The following GTF2F2 variants were observed in gnomAD, a reference collection of about 807,000 sequenced individuals.
GTF2F2 encodes the protein general transcription factor IIF subunit 2.
In GTF2F2, 23 loss-of-function variants were observed where a neutral mutation model predicts 42.2. The ratio of observed to expected loss-of-function variants is 0.55; its 90% CI spans 0.39 to 0.77. The LOEUF (loss-of-function observed/expected upper bound fraction) is 0.77, where lower values mean the gene tolerates loss of function less well. GTF2F2 is among the 30% of genes least tolerant of loss of function. GTF2F2 has a pLI of 0.00. For missense variants in GTF2F2, 261 were observed against 287.2 expected (o/e 0.91, Z 0.66); for synonymous variants, 105 against 100.8 (o/e 1.04, Z -0.25).
intron 1 of GTF2F2, 135 bp downstream of exon 1, chr13:45,120,856 G>T (rs1868592746): frequency 1.5e-6 from 1 of 658,730 alleles, no homozygotes. Context: ...ATTTTGAGAG[G>T]CAGGAGTCAT....
intron 4 of GTF2F2, among the ~76,000 whole-genome samples, chr13:45,191,083 A>G (rs1031560683): frequency 6.6e-6 from 1 of 151,168 alleles, no homozygotes; most frequent in Non-Finnish European, 1.5e-5. Context: ...AAAATATAGT[A>G]AAAGCCGGCC....
intron 5 of GTF2F2, among the ~76,000 whole-genome samples, chr13:45,229,537 G>A (rs1874561834): frequency 6.6e-6 from 1 of 152,202 alleles, no homozygotes; most frequent in African/African-American, 2.4e-5. Context: ...GGGATAGAAG[G>A]AGGCTCATGA....
intron 1 of GTF2F2, among the ~76,000 whole-genome samples, 194 bp downstream of exon 1, chr13:45,120,915 C>T (rs561921430): frequency 6.6e-6 from 1 of 152,284 alleles, no homozygotes; most frequent in South Asian, 2.1e-4. Context: ...CGCAAAGTGT[C>T]TTTCAGCCAG....
chr13:45,125,299 C>G (rs1868926654), intron 1 of GTF2F2, among the ~76,000 whole-genome samples: 1 of 151,826 alleles, frequency 6.6e-6, no homozygotes. Flanking sequence ...CTTTGCGTCT[C>G]TCTGTTTTTT....
chr13:45,253,711 A>G (rs531994993), intron 6 of GTF2F2, among the ~76,000 whole-genome samples: 134 of 152,260 alleles, frequency 8.8e-4, no homozygotes, highest in African/African-American at 3.0e-3. Context: ...GTATATCCAC[A>G]TTGTATATGC....
At chr13:45,268,440 C>T (rs1876657980) in intron 7 of GTF2F2, among the ~76,000 whole-genome samples, 1 of 152,040 alleles carries the variant, frequency 6.6e-6, no homozygotes, top group Non-Finnish European at 1.5e-5. Flanking sequence ...TACTATTATA[C>T]ATCAACCCTT....
intron 6 of GTF2F2, among the ~76,000 whole-genome samples, chr13:45,262,377 A>T (rs984370562): frequency 3.9e-5 from 6 of 152,204 alleles, no homozygotes; most frequent in African/African-American, 1.2e-4. Context: ...CCATCTCTAA[A>T]ATTAGTTAAC....
intron 4 of GTF2F2, among the ~76,000 whole-genome samples, chr13:45,161,334 T>A (rs1264948902): frequency 3.9e-5 from 6 of 152,152 alleles, no homozygotes; most frequent in African/African-American, 1.4e-4. Context: ...TGAGGACCCC[T>A]GGGGATTTAT....
chr13:45,253,605 C>T (rs960798189), intron 6 of GTF2F2, among the ~76,000 whole-genome samples: 4 of 152,196 alleles, frequency 2.6e-5, no homozygotes, highest in Non-Finnish European at 4.4e-5. Context: ...GTAAACAATT[C>T]ATAAGTTGTA....
At chr13:45,181,416 A>G (rs1425275224) in intron 4 of GTF2F2, among the ~76,000 whole-genome samples, 3 of 152,100 alleles carry the variant, frequency 2.0e-5, no homozygotes, top group Non-Finnish European at 4.4e-5. Context: ...AGCTTAGTCA[A>G]TAGAGATCCT....
intron 5 of GTF2F2, among the ~76,000 whole-genome samples, chr13:45,240,101 A>ATTTTTTTTTTTTTT (rs34744288): frequency 4.4e-5 from 4 of 91,104 alleles, no homozygotes; most frequent in African/African-American, 1.6e-4. Flanking sequence ...ATGTAGAGGG[A>ATTTTTTTTTTTTTT]TTTTTTTTTT....
chr13:45,146,629 T>C (rs963486616), intron 2 of GTF2F2, among the ~76,000 whole-genome samples: 5 of 152,156 alleles, frequency 3.3e-5, no homozygotes, highest in African/African-American at 1.2e-4. Context: ...ATCCAAGAAG[T>C]ATTTTAAAAG....
intron 2 of GTF2F2, among the ~76,000 whole-genome samples, chr13:45,140,448 A>G (rs1022541801): frequency 2.0e-5 from 3 of 152,370 alleles, no homozygotes; most frequent in Admixed American, 6.5e-5. Flanking sequence ...ATCATTTACT[A>G]TGAGTGAGAC....
chr13:45,191,316 A>G (rs1872644996), intron 4 of GTF2F2, among the ~76,000 whole-genome samples: 1 of 147,762 alleles, frequency 6.8e-6, no homozygotes, highest in Non-Finnish European at 1.5e-5. Flanking sequence ...TTCCAAATAT[A>G]AGAGAATATA....
At chr13:45,277,881 T>A (rs1181319431) in intron 7 of GTF2F2, among the ~76,000 whole-genome samples, 1 of 152,234 alleles carries the variant, frequency 6.6e-6, no homozygotes, top group Non-Finnish European at 1.5e-5. Flanking sequence ...GCATATTGAA[T>A]ATTCAGTCTC....
chr13:45,238,188 C>T (rs1049955658), intron 5 of GTF2F2, among the ~76,000 whole-genome samples: 5 of 152,200 alleles, frequency 3.3e-5, no homozygotes, highest in South Asian at 2.1e-4. Flanking sequence ...CTCCCAACCT[C>T]AGGTAACCCA....
rs192949719 is a variant in GTF2F2, at chr13:45,172,807, A to G, written c.304+20976A>G. On this transcript the variant is annotated intron_variant, in intron 4 of 7. Transcript: ENST00000340473. ...TTCTATTCCATTGCTCAATGTATCT[A>G]TCCTCATGCCAGTACCACACAGTCT... 6.6e-5 allele frequency among the ~76,000 whole-genome samples: 10 copies of G among 152,280 alleles called. 1 individual carries two copies. In the South Asian group the frequency reaches 1.0e-3, roughly 16 times the overall value.
chr13:45,165,331 A>ATT (rs1555265772), intron 4 of GTF2F2, among the ~76,000 whole-genome samples: 15,537 of 136,736 alleles, frequency 0.11, 1,003 homozygotes, highest in Middle Eastern at 0.14. Flanking sequence ...ATATATATAT[A>ATT]TTTTTTTTTT....
At chr13:45,140,873 T>C (rs2138106203) in intron 2 of GTF2F2, among the ~76,000 whole-genome samples, 1 of 152,310 alleles carries the variant, frequency 6.6e-6, no homozygotes, top group South Asian at 2.1e-4. Flanking sequence ...CTCATGGTAT[T>C]GTGGAGTGCC....
Sources: gnomAD v4.1 joint callset for allele counts (sites outside exome capture counted in the v4.1 genomes callset) on GRCh38, gnomAD v4.1.1 for gene constraint, MANE v1.5 for transcripts, NCBI Gene and HGNC (gene_info 2026-07-23, HGNC 2026-07-21) for gene names.